The following DSCAM variants were observed in gnomAD, a reference collection of about 807,000 sequenced individuals.
DSCAM encodes DS cell adhesion molecule.
Under a neutral mutation model 217.7 loss-of-function variants are expected in DSCAM, and 47 were observed. The observed-to-expected ratio is 0.22, with a 90% CI of 0.17 to 0.28. The LOEUF (loss-of-function observed/expected upper bound fraction) is 0.28, where lower values mean the gene tolerates loss of function less well. Ranked by LOEUF, DSCAM falls within the 10% of genes least tolerant of loss-of-function variation. The pLI, the probability that DSCAM is intolerant of heterozygous loss-of-function variation, is 1.00. For synonymous variants in DSCAM, 1,056 were observed against 1,015.3 expected (o/e 1.04, Z -0.76); for missense variants, 2,080 against 2,618.3 (o/e 0.79, Z 4.49).
intron 1 of DSCAM, among the ~76,000 whole-genome samples, chr21:40,731,691 A>C (rs1015622414): frequency 2.0e-5 from 3 of 150,804 alleles, no homozygotes; most frequent in African/African-American, 4.9e-5. Context: ...CCCATCTTAC[A>C]GGCCACATTT....
At chr21:40,770,877 C>T (rs2091438137) in intron 1 of DSCAM, among the ~76,000 whole-genome samples, 1 of 152,144 alleles carries the variant, frequency 6.6e-6, no homozygotes, top group Non-Finnish European at 1.5e-5. Flanking sequence ...GATGCAGAGG[C>T]ATATTGAAAG....
intron 3 of DSCAM, among the ~76,000 whole-genome samples, chr21:40,418,290 G>T (rs191885438): frequency 9.9e-4 from 151 of 152,258 alleles, no homozygotes; most frequent in African/African-American, 3.5e-3. Context: ...AGGATTCAGT[G>T]AACGTCCTCT....
At chr21:40,368,958 T>C in intron 4 of DSCAM, 141 bp downstream of exon 4, 1 of 951,236 alleles carries the variant, frequency 1.1e-6, no homozygotes. Flanking sequence ...TTTAAAAGAG[T>C]TTTAAAATTC....
chr21:40,063,482 G>A (rs1601289202), intron 27 of DSCAM, among the ~76,000 whole-genome samples: 1 of 151,480 alleles, frequency 6.6e-6, no homozygotes, highest in Non-Finnish European at 1.5e-5. Context: ...GACTAAAAGT[G>A]TAGGAAAAAA....
At chr21:40,162,132 A>G (rs1335584781) in intron 16 of DSCAM, among the ~76,000 whole-genome samples, 1 of 152,190 alleles carries the variant, frequency 6.6e-6, no homozygotes, top group Non-Finnish European at 1.5e-5. Flanking sequence ...TAACTGGTTG[A>G]CTGCTCAGAA....
intron 3 of DSCAM, among the ~76,000 whole-genome samples, chr21:40,485,410 T>G (rs1281667604): frequency 2.6e-5 from 4 of 151,352 alleles, no homozygotes; most frequent in East Asian, 2.0e-4. Context: ...GCCCGGCTAA[T>G]TTTTTGTATT....
intron 20 of DSCAM, among the ~76,000 whole-genome samples, chr21:40,111,649 G>A (rs2089900465): frequency 6.6e-6 from 1 of 152,168 alleles, no homozygotes; most frequent in East Asian, 1.9e-4. Context: ...AGACCCATCA[G>A]TGTGCTGTAT....
intron 3 of DSCAM, among the ~76,000 whole-genome samples, chr21:40,439,714 G>A (rs1032730919): frequency 1.3e-5 from 2 of 152,186 alleles, no homozygotes; most frequent in African/African-American, 4.8e-5. Context: ...TCACAGTTAT[G>A]ATGGCAGGCA....
intron 1 of DSCAM, among the ~76,000 whole-genome samples, chr21:40,807,005 C>G (rs756657860): frequency 1.3e-5 from 2 of 152,018 alleles, no homozygotes; most frequent in Non-Finnish European, 2.9e-5. Context: ...AAATACCTAA[C>G]GTAGATGATG....
Position 40,064,278 on chromosome 21 carries a change from G to T in DSCAM, c.4889-1379C>A, listed in dbSNP as rs911104244. ...GGCTGGTACAATACTCTAAAAAGGG[G>T]GAAACAAATTCAAGGAGTAAACATC... On this transcript the variant is annotated intron_variant, in intron 27 of 32. Transcript: ENST00000400454. Among the ~76,000 whole-genome samples the T allele has an allele frequency of 5.3e-5, 8 of 152,082 alleles. 1 individual carries two copies. Among genetic ancestry groups the T allele is most frequent in the Admixed American group, 3.9e-4 (6 of 15,280 alleles).
chr21:40,676,922 G>A (rs1054393139), intron 3 of DSCAM, among the ~76,000 whole-genome samples: 1 of 152,072 alleles, frequency 6.6e-6, no homozygotes, highest in Non-Finnish European at 1.5e-5. Flanking sequence ...GCTCTCCACC[G>A]AGGGATTCAG....
rs777236437 is a variant in DSCAM at position 40,708,682 on chromosome 21, G to C, written c.133C>G (p.Pro45Ala). Reference sequence around the variant, plus strand: ...GGAGGGATGCCTGCTGCGGGGCAGGGCACCAGAGTCCCCGTGGTGCTGGCA... The same window carrying C: ...GGAGGGATGCCTGCTGCGGGGCAGGCCACCAGAGTCCCCGTGGTGCTGGCA... ...VFASTTGTLV[P>A]CPAAGIPPVT... Residue 45 changes from proline (P) to alanine (A), a missense_variant, in exon 2 of 33, where the codon CCC becomes GCC. This residue lies in a region of DSCAM where 568 missense variants were observed against 678.1 expected (regional missense o/e 0.84). Coordinates refer to ENST00000400454, the MANE Select transcript of DSCAM (RefSeq NM_001389.5). 6.2e-7 allele frequency: 1 copy of C among 1,612,596 alleles called. No homozygotes were observed. Among genetic ancestry groups the C allele is most frequent in the Non-Finnish European group, 8.5e-7 (1 of 1,179,326 alleles).
chr21:40,566,337 A>G (rs1321564637), intron 3 of DSCAM, among the ~76,000 whole-genome samples: 2 of 152,206 alleles, frequency 1.3e-5, no homozygotes, highest in Non-Finnish European at 2.9e-5. Flanking sequence ...ACTGAAAGTA[A>G]TATCATAAAA....
Position 40,023,236 on chromosome 21 carries a change from T to C in DSCAM, c.5687-9850A>G, listed in dbSNP as rs540433731. Among the ~76,000 whole-genome samples the C allele has an allele frequency of 8.5e-5, 13 of 152,270 alleles. 1 individual carries two copies. The South Asian group carries it at 2.7e-3, about 32-fold the overall frequency. ...TTTATGGCTGCATAGTGTTCCATGG[T>C]GTATATGTGCCACATTTTCTTAATC... On this transcript the variant is annotated intron_variant, in intron 32 of 32. Transcript: ENST00000400454.
chr21:40,353,235 T>A (rs559506420), intron 5 of DSCAM, among the ~76,000 whole-genome samples: 1 of 152,286 alleles, frequency 6.6e-6, no homozygotes, highest in East Asian at 1.9e-4. Flanking sequence ...GGTTTGGGGA[T>A]CAGAAAGATT....
rs2088094003 is a variant in DSCAM at position 40,013,222 on chromosome 21, C to T, written c.5851G>A (p.Ala1951Thr). The change falls in exon 33 of 33, where the codon GCC (alanine) becomes ACC (threonine). Residue 1951 changes from alanine to threonine, a missense_variant. Ala to Thr is a moderately conservative substitution (Grantham distance 58). Transcript: ENST00000400454. ...TVLEPIPMEA[A>T]SSASSTREGQ... ...TCTCTCGTGGAGGAGGCGGAGGAGG[C>T]GGCTTCCATCGGGATGGGCTCCAGG... is the stretch of plus-strand genomic sequence containing the variant. 9 of 1,613,714 alleles carry T rather than the reference C, an allele frequency of 5.6e-6. No homozygotes were observed. In the East Asian group the frequency reaches 2.0e-4, roughly 36 times the overall value.
chr21:40,539,457 C>T (rs1429931104), intron 3 of DSCAM, among the ~76,000 whole-genome samples: 1 of 151,444 alleles, frequency 6.6e-6, no homozygotes, highest in Non-Finnish European at 1.5e-5. Context: ...GATTGTGTCA[C>T]TGCACTCCAG....
chr21:40,582,413 G>A (rs1471958355), intron 3 of DSCAM, among the ~76,000 whole-genome samples: 1 of 152,084 alleles, frequency 6.6e-6, no homozygotes, highest in Non-Finnish European at 1.5e-5. Context: ...CACATACACA[G>A]AAACCAGATT....
At chr21:40,623,858 T>C (rs1234326570) in intron 3 of DSCAM, among the ~76,000 whole-genome samples, 1 of 152,236 alleles carries the variant, frequency 6.6e-6, no homozygotes, top group Non-Finnish European at 1.5e-5. Flanking sequence ...CACTGGGAAC[T>C]GGATGCTGTA....
Sources: allele counts gnomAD v4.1 joint callset (sites outside exome capture counted in the v4.1 genomes callset), GRCh38; gene constraint gnomAD v4.1.1; regional missense constraint gnomAD v4.1.1; transcripts MANE v1.5; gene names NCBI Gene and HGNC (gene_info 2026-07-23, HGNC 2026-07-21).